Variants in FYB1 observed in about 807,000 individuals in gnomAD.
The protein encoded by FYB1 is FYN binding protein 1, also known as FYN-binding protein 1.
In FYB1, 41 loss-of-function variants were observed where a neutral mutation model predicts 94.1. The observed-to-expected ratio is 0.44, with a 90% CI of 0.34 to 0.57. The LOEUF (loss-of-function observed/expected upper bound fraction) is 0.57, where lower values mean the gene tolerates loss of function less well. FYB1 is among the 20% of genes least tolerant of loss of function. FYB1 has a pLI of 0.02. For missense variants in FYB1, 1,050 were observed against 976.8 expected (o/e 1.07, Z -1.00); for synonymous variants, 367 against 353.2 (o/e 1.04, Z -0.44).
chr5:39,145,050 G>GGGT (rs749236569), intron 3 of FYB1, among the ~76,000 whole-genome samples: 20 of 152,174 alleles, frequency 1.3e-4, no homozygotes, highest in Non-Finnish European at 1.9e-4. Flanking sequence ...AGAGGCAAGT[G>GGGT]GGTGAGGGTA....
chr5:39,155,407 G>T (rs1338565188), intron 2 of FYB1, among the ~76,000 whole-genome samples: 1 of 152,146 alleles, frequency 6.6e-6, no homozygotes, highest in Non-Finnish European at 1.5e-5. Context: ...ATTTTTAGGG[G>T]ATAGAGGTAG....
intron 14 of FYB1, among the ~76,000 whole-genome samples, chr5:39,120,003 C>T (rs914354981): frequency 1.3e-4 from 20 of 152,036 alleles, no homozygotes; most frequent in Admixed American, 4.6e-4. Flanking sequence ...GTAGCTTGGC[C>T]AATGTCATAA....
chr5:39,193,831 C>T (rs1280465919), intron 2 of FYB1, among the ~76,000 whole-genome samples: 1 of 152,180 alleles, frequency 6.6e-6, no homozygotes, highest in African/African-American at 2.4e-5. Context: ...AAGGACTACC[C>T]TGGAGACGAG....
At chr5:39,208,965 CTAGAT>C (rs1187856703) in intron 1 of FYB1, 1 of 151,996 alleles carries the variant, frequency 6.6e-6, no homozygotes, top group Non-Finnish European at 1.5e-5. Context: ...TTTGCATCGC[CTAGAT>C]TAAAGAAAAT....
At chr5:39,127,638 A>C (rs1740819935) in intron 11 of FYB1, 103 bp downstream of exon 11, 1 of 1,294,160 alleles carries the variant, frequency 7.7e-7, no homozygotes, top group East Asian at 2.9e-5. Context: ...GGGTAATGTG[A>C]GAAAGAACAC....
chr5:39,197,765 GGCACTTGT>G (rs1747961778), intron 2 of FYB1, among the ~76,000 whole-genome samples: 1 of 152,160 alleles, frequency 6.6e-6, no homozygotes, highest in Admixed American at 6.5e-5. Flanking sequence ...AAAATCTGGG[GGCACTTGT>G]GACCTAGTGC....
In FYB1 at chr5:39,264,044, C is replaced by T. The variant is rs1483403059; in HGVS notation, c.-28+10359G>A. Among the ~76,000 whole-genome samples, 6 of 152,268 alleles carry T rather than the reference C, an allele frequency of 3.9e-5. No individual in the cohort carries two copies. In the South Asian group the frequency reaches 1.0e-3, roughly 26 times the overall value. ...AGAAGGTGAGGCCTTTGGGGAGGTG[C>T]TTGGATGTAAGGACAGAGCCCTCAC... On this transcript the variant is annotated intron_variant, in intron 1 of 1. Transcript: ENST00000510188.
upstream of FYB1, among the ~76,000 whole-genome samples, chr5:39,221,420 T>A (rs1219413643): frequency 6.6e-6 from 1 of 152,230 alleles, no homozygotes; most frequent in Admixed American, 6.5e-5. Context: ...TTATGTTGTG[T>A]CTCTTTTGCT....
intron 1 of FYB1, chr5:39,269,904 TC>T (rs1244078322): frequency 4.0e-5 from 6 of 151,886 alleles, no homozygotes; most frequent in African/African-American, 1.2e-4. Flanking sequence ...TTGGGAGCCC[TC>T]CTTTTTTTTT....
At chr5:39,243,021 T>C (rs1751291676) in intron 1 of FYB1, among the ~76,000 whole-genome samples, 1 of 152,220 alleles carries the variant, frequency 6.6e-6, no homozygotes, top group Non-Finnish European at 1.5e-5. Context: ...TTTAAGTTCA[T>C]TGTAGATTCT....
intron 9 of FYB1, among the ~76,000 whole-genome samples, chr5:39,131,340 A>G (rs1182353086): frequency 6.6e-6 from 1 of 152,226 alleles, no homozygotes; most frequent in Non-Finnish European, 1.5e-5. Flanking sequence ...CTCATTATAC[A>G]GAAAAGAAAC....
chr5:39,237,920 T>C (rs936341284), intron 1 of FYB1, among the ~76,000 whole-genome samples: 2 of 152,108 alleles, frequency 1.3e-5, no homozygotes, highest in Non-Finnish European at 2.9e-5. Flanking sequence ...CAATCTCCTT[T>C]CTCTTTAGGT....
intron 1 of FYB1, among the ~76,000 whole-genome samples, chr5:39,241,720 A>G (rs1415194306): frequency 6.6e-6 from 1 of 152,154 alleles, no homozygotes; most frequent in African/African-American, 2.4e-5. Context: ...AATGCTACAT[A>G]TGATACAGAC....
At chr5:39,112,692 C>A (rs538395319) in intron 16 of FYB1, among the ~76,000 whole-genome samples, 1 of 152,052 alleles carries the variant, frequency 6.6e-6, no homozygotes, top group South Asian at 2.1e-4. Context: ...CTTTACATGA[C>A]CAAAGTTAAT....
At chr5:39,193,830 C>T (rs1579629557) in intron 2 of FYB1, among the ~76,000 whole-genome samples, 2 of 152,256 alleles carry the variant, frequency 1.3e-5, no homozygotes, top group South Asian at 2.1e-4. Flanking sequence ...TAAGGACTAC[C>T]CTGGAGACGA....
chr5:39,205,617 A>G (rs1316398389), intron 1 of FYB1, among the ~76,000 whole-genome samples: 1 of 152,196 alleles, frequency 6.6e-6, no homozygotes, highest in African/African-American at 2.4e-5. Context: ...CTAGCCCATG[A>G]TCAAACTCAA....
chr5:39,113,744 G>A (rs1205942051), intron 16 of FYB1, among the ~76,000 whole-genome samples: 1 of 151,986 alleles, frequency 6.6e-6, no homozygotes, highest in African/African-American at 2.4e-5. Context: ...AAAATTAAAT[G>A]TACTCAATTT....
At chr5:39,191,221 G>A (rs991831807) in intron 2 of FYB1, among the ~76,000 whole-genome samples, 4 of 152,104 alleles carry the variant, frequency 2.6e-5, no homozygotes, top group African/African-American at 9.7e-5. Context: ...GAAAACCAGG[G>A]GAGCTGTTTT....
At chr5:39,132,607 A>C (rs1392114118) in intron 9 of FYB1, among the ~76,000 whole-genome samples, 4 of 152,230 alleles carry the variant, frequency 2.6e-5, no homozygotes, top group African/African-American at 9.6e-5. Flanking sequence ...GGATTCAATA[A>C]AATGGAAAAA....
Sources: allele counts gnomAD v4.1 joint callset (sites outside exome capture counted in the v4.1 genomes callset), GRCh38; gene constraint gnomAD v4.1.1; transcripts MANE v1.5; gene names NCBI Gene and HGNC (gene_info 2026-07-23, HGNC 2026-07-21).